Variants in AGBL4 observed in about 807,000 individuals in gnomAD.
The protein encoded by AGBL4 is AGBL carboxypeptidase 4.
A neutral mutation model predicts 66.4 loss-of-function variants in AGBL4; 58 were observed. The observed-to-expected ratio is 0.87, with a 90% CI of 0.71 to 1.09. The LOEUF (loss-of-function observed/expected upper bound fraction) is 1.09, where lower values mean the gene tolerates loss of function less well. Among genes scored for constraint, AGBL4 ranks in the 50% least tolerant of loss-of-function variants. AGBL4 has a pLI of 0.00. For synonymous variants in AGBL4, 234 were observed against 222.9 expected (o/e 1.05, Z -0.44); for missense variants, 579 against 631.0 (o/e 0.92, Z 0.88).
At chr1:48,796,697 G>A (rs939695278) in intron 6 of AGBL4, among the ~76,000 whole-genome samples, 3 of 152,156 alleles carry the variant, frequency 2.0e-5, no homozygotes, top group Non-Finnish European at 4.4e-5. Flanking sequence ...CTGTGGTTAC[G>A]AGTCTAAAGA....
At chr1:49,021,356 G>A (rs1420734447) in intron 5 of AGBL4, among the ~76,000 whole-genome samples, 2 of 152,164 alleles carry the variant, frequency 1.3e-5, no homozygotes, top group South Asian at 2.1e-4. Flanking sequence ...TGGTCTGAAC[G>A]TTTGTGTCCC....
intron 3 of AGBL4, among the ~76,000 whole-genome samples, chr1:49,592,238 A>G (rs1644764879): frequency 6.6e-6 from 1 of 152,152 alleles, no homozygotes. Flanking sequence ...AACAAATCAA[A>G]TAAGCAAAAA....
intron 3 of AGBL4, among the ~76,000 whole-genome samples, chr1:49,472,249 A>C (rs576914406): frequency 6.6e-6 from 1 of 152,134 alleles, no homozygotes; most frequent in Non-Finnish European, 1.5e-5. Flanking sequence ...GGAGTCTCAT[A>C]ATCTAATACA....
At chr1:48,689,478 T>C (rs1191394295) in intron 6 of AGBL4, among the ~76,000 whole-genome samples, 4 of 138,210 alleles carry the variant, frequency 2.9e-5, no homozygotes, top group African/African-American at 1.0e-4. Context: ...CCTTCTTTCC[T>C]CCCTTCCTCC....
rs1048371440 is a variant in AGBL4 at position 48,984,174 on chromosome 1, G to C, written c.594+61410C>G. Among the ~76,000 whole-genome samples the C allele has an allele frequency of 7.9e-5, 12 of 152,098 alleles. No individual in the cohort carries two copies. The South Asian group carries it at 1.7e-3, about 21-fold the overall frequency. On this transcript the variant is annotated intron_variant, in intron 5 of 13. Coordinates refer to ENST00000371839, the MANE Select transcript of AGBL4 (RefSeq NM_032785.4). The stretch of plus-strand genomic sequence containing the variant: ...GCTCAGGGAAAGTTGCTACAATCAT[G>C]ACAGGCAGTAGAGGATTAGAAGCCT...
rs374219280 is a variant in AGBL4, at chr1:49,344,591, A to G, written c.283-98727T>C. ...TATTCAGTTTTTCCATAAATTGAAC[A>G]TTGGAATAAAACCACAACAGGGGTT... On this transcript the variant is annotated intron_variant, in intron 3 of 13. Coordinates refer to ENST00000371839, the MANE Select transcript of AGBL4 (RefSeq NM_032785.4). Among the ~76,000 whole-genome samples the G allele has an allele frequency of 1.5e-3, 236 of 152,306 alleles. 1 individual carries two copies. The highest frequency in any genetic ancestry group is 4.8e-3 in the African/African-American group (201 of 41,578).
intron 3 of AGBL4, among the ~76,000 whole-genome samples, chr1:49,606,026 C>T (rs775814987): frequency 7.2e-5 from 11 of 152,222 alleles, no homozygotes; most frequent in Non-Finnish European, 1.0e-4. Context: ...AACAGCTACT[C>T]TTTTTGAGCT....
chr1:49,196,415 G>T (rs532350737), intron 4 of AGBL4, among the ~76,000 whole-genome samples: 3 of 152,146 alleles, frequency 2.0e-5, no homozygotes, highest in African/African-American at 4.8e-5. Context: ...ATTCTGAATT[G>T]ACTTTCTGAT....
chr1:49,554,862 A>G (rs1276266004), intron 3 of AGBL4, among the ~76,000 whole-genome samples: 3 of 151,888 alleles, frequency 2.0e-5, no homozygotes, highest in Admixed American at 6.6e-5. Flanking sequence ...ACAGCTCTTA[A>G]AGGCGGCGCG....
intron 9 of AGBL4, among the ~76,000 whole-genome samples, chr1:48,629,634 G>GT (rs1176377549): frequency 6.6e-6 from 1 of 152,188 alleles, no homozygotes; most frequent in Non-Finnish European, 1.5e-5. Flanking sequence ...GCTAATTTCA[G>GT]TGGGGGGTAA....
At chr1:49,681,002 G>A (rs1217592768) in intron 3 of AGBL4, among the ~76,000 whole-genome samples, 1 of 151,314 alleles carries the variant, frequency 6.6e-6, no homozygotes, top group Admixed American at 6.6e-5. Context: ...CCATTCTATT[G>A]AGCACATTCA....
At chr1:49,517,956 C>A (rs1035406073) in intron 3 of AGBL4, among the ~76,000 whole-genome samples, 8 of 151,974 alleles carry the variant, frequency 5.3e-5, no homozygotes, top group Admixed American at 2.0e-4. Context: ...ATCTCCCTAC[C>A]TTTGCTATTG....
chr1:50,007,095 TTTTA>T (rs1268209687), intron 1 of AGBL4, among the ~76,000 whole-genome samples: 3 of 152,006 alleles, frequency 2.0e-5, no homozygotes, highest in Non-Finnish European at 4.4e-5. Flanking sequence ...AATGTAGAGT[TTTTA>T]TTAGTTTTTC....
intron 2 of AGBL4, among the ~76,000 whole-genome samples, chr1:49,843,646 A>G (rs761453871): frequency 2.0e-5 from 3 of 152,126 alleles, no homozygotes; most frequent in Non-Finnish European, 4.4e-5. Context: ...CTCTATCTTA[A>G]TGTCAGCTGA....
chr1:49,590,683 T>G (rs1190253961), intron 3 of AGBL4, among the ~76,000 whole-genome samples: 2 of 152,034 alleles, frequency 1.3e-5, no homozygotes, highest in Non-Finnish European at 2.9e-5. Context: ...CAATCTAATA[T>G]CCTCATGAAA....
intron 3 of AGBL4, among the ~76,000 whole-genome samples, chr1:49,299,902 T>C (rs555255936): frequency 6.6e-6 from 1 of 152,282 alleles, no homozygotes; most frequent in East Asian, 1.9e-4. Context: ...CCTGTCTATG[T>C]GGTACTCTCA....
At chr1:48,849,307 G>C (rs1032108247) in intron 6 of AGBL4, among the ~76,000 whole-genome samples, 8 of 152,294 alleles carry the variant, frequency 5.3e-5, no homozygotes, top group Non-Finnish European at 1.0e-4. Flanking sequence ...CATGTATAAA[G>C]AGTGCATACA....
chr1:48,771,119 A>C (rs1002680479), intron 6 of AGBL4, among the ~76,000 whole-genome samples: 5 of 152,218 alleles, frequency 3.3e-5, no homozygotes, highest in Non-Finnish European at 5.9e-5. Flanking sequence ...CTCTTCCTGC[A>C]TTTCCCTGGA....
intron 1 of AGBL4, among the ~76,000 whole-genome samples, chr1:50,008,365 T>C (rs560435133): frequency 6.6e-6 from 1 of 152,272 alleles, no homozygotes; most frequent in South Asian, 2.1e-4. Flanking sequence ...ACAAGAGGAA[T>C]TTTGGAATCT....
Sources: gnomAD v4.1 joint callset for allele counts (sites outside exome capture counted in the v4.1 genomes callset) on GRCh38, gnomAD v4.1.1 for gene constraint, MANE v1.5 for transcripts, NCBI Gene and HGNC (gene_info 2026-07-23, HGNC 2026-07-21) for gene names.